The following GLI3 variants were observed in gnomAD, a reference collection of about 807,000 sequenced individuals.
GLI3 encodes the protein transcription activator GLI3.
A neutral mutation model predicts 100.8 loss-of-function variants in GLI3; 20 were observed. That is an observed-to-expected ratio of 0.20 (90% confidence interval 0.14 to 0.29). The LOEUF (loss-of-function observed/expected upper bound fraction) is 0.29. Ranked by LOEUF, GLI3 falls within the 10% of genes least tolerant of loss-of-function variation. The pLI is 1.00. For missense variants in GLI3, 2,040 were observed against 2,128.5 expected, an observed-to-expected ratio of 0.96 and a Z score of 0.82; for synonymous variants, 938 against 860.5, an observed-to-expected ratio of 1.09 and a Z score of -1.58.
chr7:41,978,837 T>C, intron 10 of GLI3, 89 bp from the exon 11 acceptor site: 1 of 1,125,706 alleles, frequency 8.9e-7, no homozygotes, highest in Non-Finnish European at 1.3e-6. Flanking sequence ...AATACCCCAA[T>C]CTTAAAAATT....
At chr7:42,191,507 C>T (rs1361696863) in intron 2 of GLI3, among the ~76,000 whole-genome samples, 4 of 152,100 alleles carry the variant, frequency 2.6e-5, no homozygotes, top group Admixed American at 2.6e-4. Flanking sequence ...ACAAAATTAG[C>T]TGGGCATGTT....
chr7:41,990,602 T>C (rs1787958331), intron 10 of GLI3, among the ~76,000 whole-genome samples: 2 of 152,174 alleles, frequency 1.3e-5, no homozygotes, highest in Non-Finnish European at 2.9e-5. Context: ...AAAATAATCA[T>C]AGTTACAATA....
intron 3 of GLI3, among the ~76,000 whole-genome samples, chr7:42,132,581 G>C (rs1446477707): frequency 6.6e-6 from 1 of 152,054 alleles, no homozygotes; most frequent in Non-Finnish European, 1.5e-5. Flanking sequence ...GAAAAAAAAA[G>C]TTTGGCTTTT....
intron 4 of GLI3, among the ~76,000 whole-genome samples, chr7:42,052,962 C>T (rs1406664784): frequency 6.6e-6 from 1 of 152,146 alleles, no homozygotes; most frequent in Non-Finnish European, 1.5e-5. Context: ...TCTTCAAATT[C>T]TTGGCAGCTA....
chr7:42,126,033 T>C (rs1786118449), intron 3 of GLI3, among the ~76,000 whole-genome samples: 1 of 152,100 alleles, frequency 6.6e-6, no homozygotes, highest in Non-Finnish European at 1.5e-5. Context: ...TGGTTCAACT[T>C]AAAAGGAATT....
In GLI3 at chr7:41,972,520, C is replaced by T. The variant is rs1787392616; in HGVS notation, c.1920G>A (p.Lys640=). ...GAGGATGGATGTCCCCTCGCTGCTT[C>T]TTGGTGACATGAGCCTCTGGGCCAT... ...TVHGPEAHVT[K]KQRGDIHPRP... The change falls in exon 13 of 15, where the codon AAG becomes AAA. Residue 640 remains lysine (K), a synonymous_variant. Transcript: ENST00000395925. This position sits in a 1 kb window ranked among gnomAD's most constrained non-coding sequence, Gnocchi z 4.4. 3 of 1,613,248 alleles carry T rather than the reference C, an allele frequency of 1.9e-6. No homozygotes were observed. The highest frequency in any genetic ancestry group is 2.5e-6 in the Non-Finnish European group (3 of 1,179,998).
intron 2 of GLI3, among the ~76,000 whole-genome samples, chr7:42,195,047 A>C (rs530795512): frequency 1.3e-5 from 2 of 152,038 alleles, no homozygotes; most frequent in Non-Finnish European, 2.9e-5. Context: ...GATTACAGGC[A>C]TGAGCCACTG....
chr7:41,995,910 C>G (rs557219274), intron 10 of GLI3, among the ~76,000 whole-genome samples: 1 of 152,274 alleles, frequency 6.6e-6, no homozygotes, highest in African/African-American at 2.4e-5. Context: ...AAACCAGTAA[C>G]CAACATTACA....
At chr7:42,126,401 T>C (rs770275375) in intron 3 of GLI3, among the ~76,000 whole-genome samples, 6 of 152,222 alleles carry the variant, frequency 3.9e-5, no homozygotes, top group Admixed American at 6.5e-5. Context: ...TCTAGAGTGG[T>C]ATGATTTTAA....
intron 2 of GLI3, among the ~76,000 whole-genome samples, chr7:42,193,354 C>T (rs528432538): frequency 1.3e-5 from 2 of 152,254 alleles, no homozygotes; most frequent in South Asian, 4.2e-4. Flanking sequence ...ATCTCCTCCA[C>T]CCAGAGAGCT....
chr7:42,017,596 A>G (rs912331233), intron 10 of GLI3, among the ~76,000 whole-genome samples: 16 of 152,118 alleles, frequency 1.1e-4, no homozygotes, highest in African/African-American at 3.9e-4. Flanking sequence ...TCTGTTTACC[A>G]TCCCTGTCCT....
intron 2 of GLI3, among the ~76,000 whole-genome samples, chr7:42,194,136 C>G (rs996225587): frequency 6.6e-6 from 1 of 152,190 alleles, no homozygotes; most frequent in Non-Finnish European, 1.5e-5. Flanking sequence ...CCATTTCATA[C>G]AGCAAACTGC....
At chr7:42,052,607 G>A (rs1406421813) in intron 4 of GLI3, among the ~76,000 whole-genome samples, 1 of 152,108 alleles carries the variant, frequency 6.6e-6, no homozygotes, top group African/African-American at 2.4e-5. Flanking sequence ...GGAACACAGT[G>A]CCTAAGTGCT....
intron 1 of GLI3, among the ~76,000 whole-genome samples, chr7:42,229,434 G>A (rs998227277): frequency 2.0e-5 from 3 of 152,202 alleles, no homozygotes; most frequent in Admixed American, 6.5e-5. Flanking sequence ...ATTATTCCGT[G>A]TAGTTTAGGG....
At chr7:42,191,170 A>G (rs1264504807) in intron 2 of GLI3, among the ~76,000 whole-genome samples, 2 of 152,212 alleles carry the variant, frequency 1.3e-5, no homozygotes, top group Non-Finnish European at 2.9e-5. Flanking sequence ...ATTGGCAGAT[A>G]GTATTATAGA....
At chr7:42,256,774 T>C (rs1436787368) in intron 1 of GLI3, among the ~76,000 whole-genome samples, 5 of 152,186 alleles carry the variant, frequency 3.3e-5, no homozygotes, top group Non-Finnish European at 7.4e-5. Flanking sequence ...ATCTTTTGTT[T>C]TTCATATAAA....
chr7:42,129,588 A>T (rs939697512), intron 3 of GLI3, among the ~76,000 whole-genome samples: 3 of 152,006 alleles, frequency 2.0e-5, no homozygotes, highest in South Asian at 2.1e-4. Flanking sequence ...AGGCGGGGGG[A>T]TCACGAGGTC....
intron 2 of GLI3, among the ~76,000 whole-genome samples, chr7:42,173,717 A>G (rs1583621080): frequency 6.6e-6 from 1 of 152,078 alleles, no homozygotes; most frequent in Admixed American, 6.5e-5. Flanking sequence ...AACATGATCA[A>G]CTCTAGCACA....
intron 2 of GLI3, among the ~76,000 whole-genome samples, chr7:42,166,172 C>T (rs1658759914): frequency 6.6e-6 from 1 of 152,198 alleles, no homozygotes; most frequent in African/African-American, 2.4e-5. Flanking sequence ...GCTCAACTTT[C>T]CACCCAATGT....
Sources: gnomAD v4.1 joint callset for allele counts (sites outside exome capture counted in the v4.1 genomes callset) on GRCh38, gnomAD v4.1.1 for gene constraint, Gnocchi (gnomAD v3.1) non-coding constraint, MANE v1.5 for transcripts, NCBI Gene and HGNC (gene_info 2026-07-23, HGNC 2026-07-21) for gene names.